The following ACACB variants were observed in gnomAD, a reference collection of about 807,000 sequenced individuals.
ACACB encodes acetyl-CoA carboxylase 2.
ACACB carries 209 observed loss-of-function variants against 278.8 expected under a neutral mutation model. The ratio of observed to expected loss-of-function variants is 0.75; its 90% CI spans 0.67 to 0.84. The LOEUF (loss-of-function observed/expected upper bound fraction) is 0.84, where lower values mean the gene tolerates loss of function less well. Ranked by LOEUF, ACACB falls within the 40% of genes least tolerant of loss-of-function variation. The pLI is 0.00. For synonymous variants in ACACB, 1,174 were observed against 1,285.6 expected, an observed-to-expected ratio of 0.91 and a Z score of 1.86; for missense variants, 2,850 against 3,269.0, an observed-to-expected ratio of 0.87 and a Z score of 3.13.
chr12:109,218,739 C>T (rs117130461), intron 24 of ACACB, among the ~76,000 whole-genome samples: 7,084 of 149,664 alleles, frequency 0.047, 220 homozygotes, highest in Non-Finnish European at 0.073. Context: ...CTGCAACCTC[C>T]GCCTCCCGGG....
intron 42 of ACACB, 36 bp from the exon 43 acceptor site, chr12:109,252,979 G>A (rs372318984): frequency 9.7e-5 from 153 of 1,569,850 alleles, no homozygotes; most frequent in Middle Eastern, 5.8e-4. Flanking sequence ...GCCCTGCACC[G>A]TGCAGGACAT....
Position 109,174,052 on chromosome 12 carries a change from C to T in ACACB, c.1118-80C>T, listed in dbSNP as rs1023154635. On this transcript the variant is annotated intron_variant, in intron 6 of 52. Transcript: ENST00000338432. Reference sequence around the variant, plus strand: ...TCTGCTCCTTACCTGGCCCCACCACCGTGCACTCGGTCGGCCTTCAGCCTC... The same window carrying T: ...TCTGCTCCTTACCTGGCCCCACCACTGTGCACTCGGTCGGCCTTCAGCCTC... 7.0e-5 allele frequency: 86 copies of T among 1,229,646 alleles called. No individual in the cohort carries two copies. The Admixed American group carries it at 1.1e-3, about 16-fold the overall frequency. 76.2% of individuals were successfully genotyped at this position (1,229,646 alleles called of 1,614,324 possible). A position where few individuals can be genotyped will look rare whatever the true frequency, so the allele number is the denominator to read the frequency against.
rs746832888 is a variant in ACACB at position 109,222,854 on chromosome 12, C to A, written c.3734C>A (p.Ser1245Tyr). 10 of 1,613,946 alleles carry A rather than the reference C, an allele frequency of 6.2e-6. No homozygotes were observed. The South Asian group carries it at 8.8e-5, about 14-fold the overall frequency. Reference sequence around the variant, plus strand: ...GAGCTGCGGCATAACCAGGTGGAGTCCATTTTCCTGTCTGCCATTGACATG... The same window carrying A: ...GAGCTGCGGCATAACCAGGTGGAGTACATTTTCCTGTCTGCCATTGACATG... ...SYELRHNQVE[S>Y]IFLSAIDMYG... The change falls in exon 26 of 53, where the codon TCC becomes TAC. Residue 1245 changes from serine (S) to tyrosine (Y), a missense_variant. Ser to Tyr is a moderately radical substitution (Grantham distance 144). Around this residue, in one of 3 missense-constraint regions of ACACB, gnomAD observed 2,265 missense variants for 2,561.3 expected, o/e 0.88. Transcript: ENST00000338432.
chr12:109,123,927 G>A (rs540203556), intron 1 of ACACB, among the ~76,000 whole-genome samples: 4 of 151,672 alleles, frequency 2.6e-5, no homozygotes, highest in African/African-American at 9.7e-5. Context: ...GGGCTCAAGC[G>A]ATCCTCCTGC....
At chr12:109,168,119 C>G in intron 4 of ACACB, 85 bp downstream of exon 4, 5 of 1,435,466 alleles carry the variant, frequency 3.5e-6, no homozygotes, top group Non-Finnish European at 4.7e-6. Flanking sequence ...GCAAGTCCAT[C>G]CTGGACTCCC....
intron 43 of ACACB, 59 bp from the exon 44 acceptor site, chr12:109,254,155 T>C: frequency 6.2e-7 from 1 of 1,600,268 alleles, no homozygotes; most frequent in Non-Finnish European, 8.6e-7. Context: ...AAAGTGCTGA[T>C]CAGAGGTATT....
Position 109,246,095 on chromosome 12 carries a change from A to C in ACACB, c.5302-84A>C, listed in dbSNP as rs1289558106. On this transcript the variant is annotated intron_variant, in intron 38 of 52. Transcript: ENST00000338432. Reference sequence around the variant, plus strand: ...ACAGAGCAAGACCCTGTATCTAAAAAAAATAATAATAACTAAAATAAAATA... The same window carrying C: ...ACAGAGCAAGACCCTGTATCTAAAACAAATAATAATAACTAAAATAAAATA... 1.2e-5 allele frequency: 18 copies of C among 1,445,326 alleles called. No homozygotes were observed. The Admixed American group carries it at 1.6e-4, about 13-fold the overall frequency. The allele number at this position is 1,445,326 out of a possible 1,614,324, so 89.5% of individuals were successfully genotyped here.
At chr12:109,122,050 AAGAACATTCC>A (rs2042560451) in intron 1 of ACACB, among the ~76,000 whole-genome samples, 1 of 152,226 alleles carries the variant, frequency 6.6e-6, no homozygotes, top group South Asian at 2.1e-4. Context: ...CAGGGAAGGG[AAGAACATTCC>A]AGAACATTCC....
chr12:109,224,218 A>G (rs1396981106), intron 27 of ACACB, among the ~76,000 whole-genome samples: 1 of 152,094 alleles, frequency 6.6e-6, no homozygotes, highest in Non-Finnish European at 1.5e-5. Context: ...CAGGCAGGGC[A>G]CATTAAATAC....
chr12:109,246,239 G>A lies in ACACB; in HGVS notation c.5362G>A (p.Val1788Met), dbSNP rs143901792. 454 of 1,613,874 alleles carry A rather than the reference G, an allele frequency of 2.8e-4. 2 individuals are homozygous for A. The African/African-American group carries it at 5.0e-3, about 18-fold the overall frequency. Reference protein sequence around the residue: ...KTQEYPEGRDVIVIGNDITFR... With the variant: ...KTQEYPEGRDMIVIGNDITFR... ...CCAGGAGTACCCGGAAGGACGGGAT[G>A]TGATCGTCATCGGCAATGACATCAC... is the stretch of plus-strand genomic sequence containing the variant. Residue 1788 changes from valine to methionine, a missense_variant, in exon 39 of 53, where the codon GTG becomes ATG. Coordinates refer to ENST00000338432, the MANE Select transcript of ACACB (RefSeq NM_001093.4).
In ACACB at chr12:109,216,920, C is replaced by G. The variant is rs1198153672; in HGVS notation, c.3564C>G (p.Ile1188Met). ...AGAACCAGCTGGTGATCATGTTGAT[C>G]GTAAGCAGGAAGAGGGCCTGTTACT... ...AKKNQLVIML[I>M]DELCGPDPSL... Residue 1188 changes from isoleucine (I) to methionine (M), a missense_variant and splice_region_variant, in exon 24 of 53, where the codon ATC becomes ATG. By Grantham distance (10) the Ile-to-Met change is conservative. Transcript: ENST00000338432. 1 of 1,612,884 alleles carries G rather than the reference C, an allele frequency of 6.2e-7. No individual in the cohort carries two copies. Among genetic ancestry groups the G allele is most frequent in the Admixed American group, 1.7e-5 (1 of 59,972 alleles).
chr12:109,193,212 T>G (rs2044957820), intron 15 of ACACB, among the ~76,000 whole-genome samples: 1 of 123,354 alleles, frequency 8.1e-6, no homozygotes, highest in Non-Finnish European at 1.6e-5. Context: ...TTAATCAGAT[T>G]TAGCCTTTTT....
Position 109,222,517 on chromosome 12 carries a change from G to A in ACACB, c.3575G>A (p.Cys1192Tyr). ...QLVIMLIDEL[C>Y]GPDPSLSDEL... ...TTTCTGTCCCCTAAGGATGAGCTGT[G>A]TGGCCCAGACCCTTCCCTGTCGGAC... Residue 1192 changes from cysteine to tyrosine, a missense_variant, in exon 25 of 53, where the codon TGT (cysteine) becomes TAT (tyrosine). Physicochemically the swap from Cys to Tyr is radical, Grantham distance 194. Around this residue, in one of 3 missense-constraint regions of ACACB, gnomAD observed 2,265 missense variants for 2,561.3 expected, o/e 0.88. Coordinates refer to ENST00000338432, the MANE Select transcript of ACACB (RefSeq NM_001093.4). The A allele has an allele frequency of 6.2e-7, 1 of 1,614,166 alleles. No individual in the cohort carries two copies. Among genetic ancestry groups the A allele is most frequent in the South Asian group, 1.1e-5 (1 of 91,086 alleles).
rs772898022 is a variant in ACACB at position 109,237,291 on chromosome 12, G to A, written c.4573G>A (p.Gly1525Ser). ...CAACCACAAGATGCACCTTTACCTG[G>A]GTGCTGCCAAGGTGAAGGAAGGTGT... ...CANHKMHLYL[G>S]AAKVKEGVEV... The change falls in exon 34 of 53, where the codon GGT (glycine) becomes AGT (serine). Residue 1525 changes from glycine to serine, a missense_variant. Physicochemically the swap from Gly to Ser is moderately conservative, Grantham distance 56 (BLOSUM62 0). Coordinates refer to ENST00000338432, the MANE Select transcript of ACACB (RefSeq NM_001093.4). The A allele has an allele frequency of 1.2e-5, 20 of 1,614,030 alleles. No individual in the cohort carries two copies. The Middle Eastern group carries it at 6.6e-4, about 53-fold the overall frequency.
At chr12:109,171,380 C>T (rs541550679) in intron 4 of ACACB, among the ~76,000 whole-genome samples, 10 of 150,076 alleles carry the variant, frequency 6.7e-5, no homozygotes, top group Non-Finnish European at 8.9e-5. Flanking sequence ...GACAGAGTCT[C>T]GTTCTGTCAC....
Position 109,265,077 on chromosome 12 carries a change from C to T in ACACB, c.6943-33C>T, listed in dbSNP as rs771862874. On this transcript the variant is annotated intron_variant, in intron 50 of 52. Transcript: ENST00000338432. ...AGCCAGTGTCCCGTCTCCTCCTTCC[C>T]TTTCCGGGGATTCAAGCCTGGCTCG... 3 of 1,581,934 alleles carry T rather than the reference C, an allele frequency of 1.9e-6. No homozygotes were observed. In the African/African-American group the frequency reaches 4.0e-5, roughly 21 times the overall value.
At chr12:109,260,038 T>C in intron 47 of ACACB, 1 of 1,342,518 alleles carries the variant, frequency 7.4e-7, no homozygotes, top group Non-Finnish European at 9.9e-7. Flanking sequence ...TCAGTGCTGT[T>C]ATTATTGCAT....
In ACACB at chr12:109,197,068, G is replaced by A; in HGVS notation, c.2542G>A (p.Asp848Asn). The A allele has an allele frequency of 6.3e-7, 1 of 1,595,382 alleles. No individual in the cohort carries two copies. Among genetic ancestry groups the A allele is most frequent in the Non-Finnish European group, 8.5e-7 (1 of 1,172,878 alleles). ...LIMNGCHIEI[D>N]AHRLNDGGLL... is the part of the protein sequence containing the mutation. ...CATGAATGGCTGCCACATCGAGATT[G>A]ATGCCCACCGGCTGAATGATGGGGG... The change falls in exon 17 of 53, where the codon GAT becomes AAT. Residue 848 changes from aspartate (D) to asparagine (N), a missense_variant. By Grantham distance (23) the Asp-to-Asn change is conservative. This residue lies in a region of ACACB where 2,265 missense variants were observed against 2,561.3 expected (regional missense o/e 0.88). Coordinates refer to ENST00000338432, the MANE Select transcript of ACACB (RefSeq NM_001093.4).
chr12:109,222,929 C>G lies in ACACB; in HGVS notation c.3792+17C>G, dbSNP rs372069410. 7.6e-6 allele frequency: 12 copies of G among 1,570,684 alleles called. No individual in the cohort carries two copies. In the African/African-American group the frequency reaches 1.6e-4, roughly 21 times the overall value. On this transcript the variant is annotated intron_variant, in intron 26 of 52. Transcript: ENST00000338432. ...AACCTCAAGGTGAGCCCGTCTCCTT[C>G]CTTTCACCATCTGCAGAGCACACAC...
Sources: allele counts gnomAD v4.1 joint callset (sites outside exome capture counted in the v4.1 genomes callset), GRCh38; gene constraint gnomAD v4.1.1; regional missense constraint gnomAD v4.1.1; transcripts MANE v1.5; gene names NCBI Gene and HGNC (gene_info 2026-07-23, HGNC 2026-07-21).